WDR7: variants seen among roughly 807,000 people sequenced by gnomAD.
WDR7 encodes the protein WD repeat-containing protein 7.
In WDR7, 46 loss-of-function variants were observed where a neutral mutation model predicts 169.4. The observed-to-expected ratio is 0.27, with a 90% CI of 0.21 to 0.35. WDR7 has a LOEUF of 0.35. WDR7 is among the 10% of genes least tolerant of loss of function. The probability of loss-of-function intolerance (pLI) is 1.00; values close to 1 mark genes in which losing one functional copy is unlikely to be tolerated. For synonymous variants in WDR7, 612 were observed against 666.8 expected (o/e 0.92, Z 1.27); for missense variants, 1,534 against 1,859.3 (o/e 0.83, Z 3.22).
chr18:56,991,367 G>A (rs763968092), intron 26 of WDR7, among the ~76,000 whole-genome samples: 13 of 151,970 alleles, frequency 8.6e-5, no homozygotes, highest in South Asian at 6.2e-4. Context: ...GGATGGTCTC[G>A]ATCTTCTGAC....
intron 1 of WDR7, among the ~76,000 whole-genome samples, chr18:56,658,840 G>C (rs1431748538): frequency 6.6e-6 from 1 of 152,114 alleles, no homozygotes; most frequent in Non-Finnish European, 1.5e-5. Flanking sequence ...AGCCTCCTGA[G>C]TAGCTGGGAC....
At chr18:56,696,571 A>G in intron 12 of WDR7, 109 bp downstream of exon 12, 2 of 978,006 alleles carry the variant, frequency 2.0e-6, no homozygotes, top group Non-Finnish European at 3.0e-6. Flanking sequence ...TGACAAGATA[A>G]TTAAGAAAAC....
chr18:56,706,771 T>C (rs750211447), intron 12 of WDR7, among the ~76,000 whole-genome samples: 3 of 151,804 alleles, frequency 2.0e-5, no homozygotes, highest in Non-Finnish European at 4.4e-5. Flanking sequence ...CACTGCAACC[T>C]CTGCCTCCCA....
At chr18:56,912,246 A>G (rs1330183964) in intron 21 of WDR7, among the ~76,000 whole-genome samples, 2 of 152,236 alleles carry the variant, frequency 1.3e-5, no homozygotes, top group African/African-American at 2.4e-5. Flanking sequence ...TGATAGAAGC[A>G]ATGGATAGAA....
chr18:56,848,708 T>A (rs1312163259), intron 20 of WDR7, among the ~76,000 whole-genome samples: 2 of 152,044 alleles, frequency 1.3e-5, no homozygotes, highest in Admixed American at 1.3e-4. Flanking sequence ...GAGAGCTGAT[T>A]GTTTAAAGAG....
chr18:57,005,348 C>T (rs2048040820), intron 26 of WDR7, among the ~76,000 whole-genome samples: 1 of 151,898 alleles, frequency 6.6e-6, no homozygotes, highest in Admixed American at 6.6e-5. Flanking sequence ...TTACACTTAC[C>T]ATGTAATGTT....
chr18:56,803,761 G>T (rs1476601629), intron 19 of WDR7, among the ~76,000 whole-genome samples: 3 of 152,166 alleles, frequency 2.0e-5, no homozygotes, highest in African/African-American at 7.2e-5. Context: ...CAGGCACTGT[G>T]CTAAACTCAA....
At position 56,658,357 on chromosome 18, in the gene WDR7, G is replaced by A. The variant is rs139661514; in HGVS notation, c.-20+6781G>A. On this transcript the variant is annotated intron_variant, in intron 1 of 27. Coordinates refer to ENST00000254442, the MANE Select transcript of WDR7 (RefSeq NM_015285.3). ...GACCTCAAGTGATCTGCCTGCCTCG[G>A]CCTCCCAAAGTACTGGAATTAGTCA... Among the ~76,000 whole-genome samples the A allele has an allele frequency of 1.2e-3, 184 of 152,274 alleles. 5 individuals carry two copies. The East Asian group carries it at 0.027, about 23-fold the overall frequency.
At chr18:57,004,983 G>A (rs1306227111) in intron 26 of WDR7, among the ~76,000 whole-genome samples, 2 of 152,106 alleles carry the variant, frequency 1.3e-5, no homozygotes, top group African/African-American at 2.4e-5. Flanking sequence ...TATTTAAAGA[G>A]TACTCTTGGG....
rs540580000 is a variant in WDR7, at chr18:56,842,858, G to A, written c.3304+26714G>A. The stretch of plus-strand genomic sequence containing the variant: ...TAGAGCCATACTGTCAGAATTTTGG[G>A]GAGAGAAGAGACATTGCAGACCAAA... On this transcript the variant is annotated intron_variant, in intron 20 of 27. Coordinates refer to ENST00000254442, the MANE Select transcript of WDR7 (RefSeq NM_015285.3). Among the ~76,000 whole-genome samples the A allele has an allele frequency of 5.9e-5, 9 of 152,230 alleles. No homozygotes were observed. The South Asian group carries it at 1.9e-3, about 32-fold the overall frequency.
intron 19 of WDR7, among the ~76,000 whole-genome samples, chr18:56,787,640 C>G (rs1416496584): frequency 6.6e-6 from 1 of 152,094 alleles, no homozygotes; most frequent in East Asian, 1.9e-4. Flanking sequence ...AATAGGCTTT[C>G]TTTGTTCAAT....
At chr18:56,858,704 T>C (rs2145400179) in intron 20 of WDR7, among the ~76,000 whole-genome samples, 1 of 152,312 alleles carries the variant, frequency 6.6e-6, no homozygotes, top group South Asian at 2.1e-4. Context: ...TTCCCAGGTA[T>C]AATTGGAGTT....
intron 26 of WDR7, among the ~76,000 whole-genome samples, chr18:57,007,961 T>C (rs184378441): frequency 1.3e-5 from 2 of 152,320 alleles, no homozygotes; most frequent in Admixed American, 6.5e-5. Context: ...CATCTCTCTA[T>C]GTGCTGGTTC....
rs2026232950 is a variant in WDR7 at position 56,718,111 on chromosome 18, G to C, written c.1726G>C (p.Val576Leu). 2 of 1,614,008 alleles carry C rather than the reference G, an allele frequency of 1.2e-6. No homozygotes were observed. Among genetic ancestry groups the C allele is most frequent in the African/African-American group, 2.7e-5 (2 of 74,924 alleles). ...ATGGAGGCCTTCTGATGATTACCTGGTGGTGGGGTGTTCAGATGGTTCTGT... is the reference window on the plus strand; with the variant it reads ...ATGGAGGCCTTCTGATGATTACCTGCTGGTGGGGTGTTCAGATGGTTCTGT... ...IKWRPSDDYLVVGCSDGSVYV... is the reference protein window; with the variant it reads ...IKWRPSDDYLLVGCSDGSVYV... The change falls in exon 13 of 28, where the codon GTG (valine) becomes CTG (leucine). Residue 576 changes from valine to leucine, a missense_variant. Coordinates refer to ENST00000254442, the MANE Select transcript of WDR7 (RefSeq NM_015285.3).
intron 25 of WDR7, among the ~76,000 whole-genome samples, chr18:56,942,312 G>T (rs1431669129): frequency 6.6e-6 from 1 of 152,092 alleles, no homozygotes; most frequent in Non-Finnish European, 1.5e-5. Context: ...GCATTATAAT[G>T]ATAATATTAA....
intron 23 of WDR7, among the ~76,000 whole-genome samples, chr18:56,936,940 A>G (rs1313169837): frequency 2.0e-5 from 3 of 152,062 alleles, no homozygotes; most frequent in South Asian, 2.1e-4. Flanking sequence ...ATGTGTGCAT[A>G]TATATATATG....
intron 16 of WDR7, among the ~76,000 whole-genome samples, chr18:56,773,530 A>G (rs2044196215): frequency 6.6e-6 from 1 of 152,158 alleles, no homozygotes; most frequent in Non-Finnish European, 1.5e-5. Flanking sequence ...CATTCATAGC[A>G]AAGTTAGTGC....
intron 20 of WDR7, among the ~76,000 whole-genome samples, chr18:56,829,645 A>G (rs953501351): frequency 2.0e-5 from 3 of 152,208 alleles, no homozygotes; most frequent in African/African-American, 7.2e-5. Context: ...CAAGGAGGGA[A>G]AAAAAGCAGT....
chr18:56,875,531 A>G (rs2046010870), intron 20 of WDR7, among the ~76,000 whole-genome samples: 1 of 152,198 alleles, frequency 6.6e-6, no homozygotes, highest in African/African-American at 2.4e-5. Context: ...CTACAGAATC[A>G]TATATGATCT....
Sources: gnomAD v4.1 joint callset for allele counts (sites outside exome capture counted in the v4.1 genomes callset) on GRCh38, gnomAD v4.1.1 for gene constraint, MANE v1.5 for transcripts, NCBI Gene and HGNC (gene_info 2026-07-23, HGNC 2026-07-21) for gene names.